COL19A1: variants seen among roughly 807,000 people sequenced by gnomAD.
COL19A1 encodes collagen type XIX alpha 1 chain.
Under a neutral mutation model 190.2 loss-of-function variants are expected in COL19A1, and 159 were observed. That is an observed-to-expected ratio of 0.84 (90% CI 0.73 to 0.95). The LOEUF is 0.95. COL19A1 is among the 40% of genes least tolerant of loss of function. COL19A1 has a pLI of 0.00. For synonymous variants in COL19A1, 509 were observed against 458.9 expected, an observed-to-expected ratio of 1.11 and a Z score of -1.39; for missense variants, 1,418 against 1,431.9, an observed-to-expected ratio of 0.99 and a Z score of 0.16.
intron 2 of COL19A1, among the ~76,000 whole-genome samples, chr6:69,896,800 T>C (rs1045968224): frequency 1.3e-5 from 2 of 152,208 alleles, no homozygotes; most frequent in Admixed American, 1.3e-4. Context: ...TTTTGAAGTG[T>C]TTAAATCTTT....
intron 2 of COL19A1, 197 bp downstream of exon 2, chr6:69,879,855 G>A (rs942809603): frequency 1.0e-5 from 6 of 587,348 alleles, no homozygotes; most frequent in Non-Finnish European, 1.8e-5. Flanking sequence ...TTTTTCATAC[G>A]CATAGTATAT....
At chr6:70,030,080 AGAATTAG>A (rs1286400120) in intron 12 of COL19A1, among the ~76,000 whole-genome samples, 1 of 152,180 alleles carries the variant, frequency 6.6e-6, no homozygotes, top group South Asian at 2.1e-4. Flanking sequence ...ACACCCCAGT[AGAATTAG>A]GCATCTGTGG....
At chr6:69,957,587 A>G (rs1164086158) in intron 9 of COL19A1, among the ~76,000 whole-genome samples, 2 of 152,174 alleles carry the variant, frequency 1.3e-5, no homozygotes, top group Non-Finnish European at 2.9e-5. Flanking sequence ...TAAGTTTTGA[A>G]AGTTATGGTT....
intron 11 of COL19A1, among the ~76,000 whole-genome samples, chr6:69,981,816 G>A (rs1349836881): frequency 6.6e-6 from 1 of 152,052 alleles, no homozygotes; most frequent in African/African-American, 2.4e-5. Flanking sequence ...CCCATGCCAA[G>A]TCTTGCAAAG....
At chr6:70,106,590 A>G (rs945344632) in intron 16 of COL19A1, among the ~76,000 whole-genome samples, 2 of 152,204 alleles carry the variant, frequency 1.3e-5, no homozygotes, top group African/African-American at 4.8e-5. Flanking sequence ...CACATGCAAT[A>G]TGCATATAAT....
chr6:70,017,185 G>A (rs940427823), intron 11 of COL19A1, among the ~76,000 whole-genome samples: 2 of 151,996 alleles, frequency 1.3e-5, no homozygotes, highest in African/African-American at 4.8e-5. Context: ...TGCAACATGG[G>A]TAAACTCAAA....
In COL19A1 at chr6:69,966,248, G is replaced by T. The variant is rs562163081; in HGVS notation, c.1026+3378G>T. On this transcript the variant is annotated intron_variant, in intron 11 of 50. Coordinates refer to ENST00000620364, the MANE Select transcript of COL19A1 (RefSeq NM_001858.6). ...GGGAAGTGAGGAGCCCCTCTGCCCG[G>T]CCGCCACCCCGTCTGGGAGGTGTAC... Among the ~76,000 whole-genome samples the T allele has an allele frequency of 1.4e-4, 22 of 152,242 alleles. No individual in the cohort carries two copies. The South Asian group carries it at 2.7e-3, about 19-fold the overall frequency.
intron 4 of COL19A1, among the ~76,000 whole-genome samples, chr6:69,906,536 G>A (rs770018534): frequency 6.6e-6 from 1 of 152,148 alleles, no homozygotes; most frequent in Non-Finnish European, 1.5e-5. Flanking sequence ...TAAGCTGGTG[G>A]CTTTTGCAAT....
chr6:70,007,499 T>C (rs557242804), intron 11 of COL19A1, among the ~76,000 whole-genome samples: 1 of 152,046 alleles, frequency 6.6e-6, no homozygotes, highest in African/African-American at 2.4e-5. Context: ...TTTTATATAA[T>C]GATAAAAGGG....
At chr6:70,206,727 CTGTT>C (rs1465096873) in intron 49 of COL19A1, among the ~76,000 whole-genome samples, 170 bp from the exon 50 acceptor site, 2 of 151,198 alleles carry the variant, frequency 1.3e-5, no homozygotes, top group East Asian at 1.9e-4. Flanking sequence ...TATACCCAAT[CTGTT>C]TGATATGTAA....
chr6:69,918,167 T>G (rs141093962), intron 4 of COL19A1, among the ~76,000 whole-genome samples: 1 of 152,268 alleles, frequency 6.6e-6, no homozygotes, highest in African/African-American at 2.4e-5. Context: ...GAAATGCATC[T>G]TATTCTAGGA....
chr6:69,974,450 T>C (rs1312064832), intron 11 of COL19A1, among the ~76,000 whole-genome samples: 2 of 152,216 alleles, frequency 1.3e-5, no homozygotes, highest in Non-Finnish European at 2.9e-5. Context: ...GGTTTACTTA[T>C]GTGTACAAAT....
chr6:69,978,793 C>G (rs1775870741), intron 11 of COL19A1, among the ~76,000 whole-genome samples: 1 of 150,856 alleles, frequency 6.6e-6, no homozygotes, highest in Non-Finnish European at 1.5e-5. Context: ...AATCAAACAC[C>G]TGATTTAATA....
At chr6:69,976,419 C>T (rs563259668) in intron 11 of COL19A1, among the ~76,000 whole-genome samples, 3 of 152,176 alleles carry the variant, frequency 2.0e-5, no homozygotes, top group African/African-American at 7.2e-5. Flanking sequence ...TCATTTAGGA[C>T]CCATTTTTTA....
chr6:70,005,479 C>T (rs1262874472), intron 11 of COL19A1, among the ~76,000 whole-genome samples: 1 of 152,120 alleles, frequency 6.6e-6, no homozygotes, highest in African/African-American at 2.4e-5. Flanking sequence ...TGCTCCCACA[C>T]CTGGAGATGT....
chr6:70,099,058 A>T (rs1783467020), intron 15 of COL19A1, among the ~76,000 whole-genome samples: 4 of 2,012 alleles, frequency 2.0e-3, no homozygotes, highest in Admixed American at 8.3e-3. Flanking sequence ...CCTGTCTCTA[A>T]AAAAAAAAAA....
chr6:70,144,796 T>G, intron 24 of COL19A1, 122 bp from the exon 25 acceptor site: 1 of 682,294 alleles, frequency 1.5e-6, no homozygotes, highest in African/African-American at 1.8e-5. Flanking sequence ...AGTGAGTGAG[T>G]GAGTGAATGA....
At chr6:69,973,197 A>G (rs75826559) in intron 11 of COL19A1, among the ~76,000 whole-genome samples, 2,509 of 152,118 alleles carry the variant, frequency 0.016, 70 homozygotes, top group African/African-American at 0.057. Context: ...CCTTTACTCC[A>G]TTTATCCTAT....
At chr6:69,916,204 G>A (rs550313967) in intron 4 of COL19A1, among the ~76,000 whole-genome samples, 101 of 152,250 alleles carry the variant, frequency 6.6e-4, no homozygotes, top group African/African-American at 2.3e-3. Flanking sequence ...CCAAAGTGCA[G>A]GGATTACAGG....
Sources: gnomAD v4.1 joint callset for allele counts (sites outside exome capture counted in the v4.1 genomes callset) on GRCh38, gnomAD v4.1.1 for gene constraint, MANE v1.5 for transcripts, NCBI Gene and HGNC (gene_info 2026-07-23, HGNC 2026-07-21) for gene names.